Variants in RAB3IP observed in about 807,000 individuals in gnomAD.
RAB3IP encodes RAB3A interacting protein.
A neutral mutation model predicts 59.1 loss-of-function variants in RAB3IP; 36 were observed. That is an observed-to-expected ratio of 0.61 (90% CI 0.47 to 0.80). The LOEUF is 0.80. Among genes scored for constraint, RAB3IP ranks in the 30% least tolerant of loss-of-function variants. The pLI is 0.00. For missense variants in RAB3IP, 511 were observed against 536.0 expected (o/e 0.95, Z 0.46); for synonymous variants, 207 against 191.2 (o/e 1.08, Z -0.68).
chr12:69,791,153 A>T (rs935550693), intron 4 of RAB3IP, among the ~76,000 whole-genome samples: 1 of 152,160 alleles, frequency 6.6e-6, no homozygotes, highest in African/African-American at 2.4e-5. Context: ...AATGAACGAA[A>T]TTAGACCCTG....
chr12:69,797,477 CTTTTTTTTTTTTT>C lies in RAB3IP; in HGVS notation c.888+2144_888+2156del. On this transcript the variant is annotated intron_variant, in intron 6 of 10. Coordinates refer to ENST00000247833, the MANE Select transcript of RAB3IP (RefSeq NM_022456.5). ...GGTTTATGTCCTTTTTCTTTTCTTT[CTTTTTTTTTTTTT>C]TTTTTTTTTTAATAAATTTGCATCT... Among the ~76,000 whole-genome samples the C allele has an allele frequency of 9.1e-5, 5 of 54,956 alleles. 1 individual carries two copies. Among genetic ancestry groups the C allele is most frequent in the African/African-American group, 1.8e-4 (2 of 11,186 alleles). The allele number at this position is 54,956 out of a possible 152,430, so 36.1% of individuals were successfully genotyped here. A position where few individuals can be genotyped will look rare whatever the true frequency, so the allele number is the denominator to read the frequency against.
At chr12:69,775,829 G>T in intron 3 of RAB3IP, among the ~76,000 whole-genome samples, 1 of 70,612 alleles carries the variant, frequency 1.4e-5, no homozygotes, top group African/African-American at 5.4e-5. Flanking sequence ...ATTTTATTGA[G>T]GATTTTTGCA....
chr12:69,758,421 T>C (rs1870572844), intron 3 of RAB3IP, among the ~76,000 whole-genome samples: 1 of 152,206 alleles, frequency 6.6e-6, no homozygotes, highest in African/African-American at 2.4e-5. Context: ...ATTAATTCTG[T>C]ATTTTTAAAA....
At chr12:69,770,078 G>A (rs988749983) in intron 3 of RAB3IP, among the ~76,000 whole-genome samples, 5 of 152,128 alleles carry the variant, frequency 3.3e-5, no homozygotes, top group Admixed American at 1.3e-4. Context: ...GTCTTCATCA[G>A]TTTAAGAGAG....
chr12:69,751,938 A>T (rs975175346), intron 1 of RAB3IP, among the ~76,000 whole-genome samples: 3 of 151,294 alleles, frequency 2.0e-5, no homozygotes, highest in African/African-American at 4.9e-5. Flanking sequence ...TCTAGCTTTC[A>T]TATTTTTCAC....
At chr12:69,784,029 T>G (rs1875203260) in intron 3 of RAB3IP, among the ~76,000 whole-genome samples, 1 of 152,060 alleles carries the variant, frequency 6.6e-6, no homozygotes, top group African/African-American at 2.4e-5. Context: ...GCTTAGATTC[T>G]CCCCCCCTAT....
rs918555285 is a variant in RAB3IP at position 69,748,085 on chromosome 12, T to C, written c.-25-7299T>C. ...TCACAGCTTTAGTTTTTTTTTTTTT[T>C]TCTAAAATTAAAATTCTATGTTTCC... On this transcript the variant is annotated intron_variant, in intron 1 of 10. Coordinates refer to ENST00000247833, the MANE Select transcript of RAB3IP (RefSeq NM_022456.5). Among the ~76,000 whole-genome samples the C allele has an allele frequency of 1.3e-5, 2 of 151,590 alleles. 1 individual carries two copies.
At chr12:69,748,057 AAAT>A (rs1426240324) in intron 1 of RAB3IP, among the ~76,000 whole-genome samples, 3 of 146,492 alleles carry the variant, frequency 2.0e-5, no homozygotes, top group African/African-American at 7.4e-5. Flanking sequence ...AAAAAGATAA[AAAT>A]CACAGCTTTA....
chr12:69,784,281 A>G (rs1875252320), intron 3 of RAB3IP, among the ~76,000 whole-genome samples: 1 of 152,218 alleles, frequency 6.6e-6, no homozygotes, highest in Non-Finnish European at 1.5e-5. Flanking sequence ...AGTATGGTAC[A>G]TGAAGTTACC....
intron 3 of RAB3IP, among the ~76,000 whole-genome samples, chr12:69,771,176 A>G (rs1344994185): frequency 6.6e-6 from 1 of 152,188 alleles, no homozygotes; most frequent in Non-Finnish European, 1.5e-5. Flanking sequence ...ATTGTGACAA[A>G]TGACAGGATT....
At chr12:69,788,600 TTAA>T (rs2136215312) in intron 4 of RAB3IP, among the ~76,000 whole-genome samples, 1 of 152,202 alleles carries the variant, frequency 6.6e-6, no homozygotes, top group South Asian at 2.1e-4. Flanking sequence ...CAGTAATACA[TTAA>T]TAATAGGTGA....
At chr12:69,801,032 C>G (rs900847463) in intron 7 of RAB3IP, among the ~76,000 whole-genome samples, 1 of 152,148 alleles carries the variant, frequency 6.6e-6, no homozygotes, top group Non-Finnish European at 1.5e-5. Flanking sequence ...CATTGTGGCT[C>G]TGTATCTGGT....
intron 3 of RAB3IP, among the ~76,000 whole-genome samples, chr12:69,768,145 T>C (rs910232685): frequency 1.9e-4 from 29 of 150,998 alleles, no homozygotes; most frequent in Admixed American, 1.8e-3. Flanking sequence ...TGTACCGTGA[T>C]CTGCATCCAG....
chr12:69,744,464 C>T (rs34695319), intron 1 of RAB3IP, among the ~76,000 whole-genome samples: 2,718 of 152,118 alleles, frequency 0.018, 35 homozygotes, highest in African/African-American at 0.023. Flanking sequence ...GTGGCTCACA[C>T]CTGTAGTCCC....
chr12:69,796,649 A>C lies in RAB3IP; in HGVS notation c.888+1305A>C, dbSNP rs188291154. The C allele has an allele frequency of 4.0e-4, 253 of 626,080 alleles. No homozygotes were observed. In the African/African-American group the frequency reaches 4.4e-3, roughly 11 times the overall value. 38.8% of individuals were successfully genotyped at this position (626,080 alleles called of 1,614,324 possible). A position where few individuals can be genotyped will look rare whatever the true frequency, so the allele number is the denominator to read the frequency against. On this transcript the variant is annotated intron_variant, in intron 6 of 10. Coordinates refer to ENST00000247833, the MANE Select transcript of RAB3IP (RefSeq NM_022456.5). ...TATCAATAAAAATGATGCTGGTAAG[A>C]GAGAAGTTCAATACTTGGTTAAATC... is the stretch of plus-strand genomic sequence containing the variant.
In RAB3IP at chr12:69,754,709, T is replaced by C. The variant is rs1032665422; in HGVS notation, c.-25-675T>C. Among the ~76,000 whole-genome samples the C allele has an allele frequency of 2.6e-5, 4 of 152,336 alleles. No individual in the cohort carries two copies. In the East Asian group the frequency reaches 7.7e-4, roughly 29 times the overall value. ...AGCTAGTTAGCTATTTCACAATGTG[T>C]ATGTGCCTTCAAACATGTTGTACAT... On this transcript the variant is annotated intron_variant, in intron 1 of 10. Coordinates refer to ENST00000247833, the MANE Select transcript of RAB3IP (RefSeq NM_022456.5).
At chr12:69,759,719 C>T (rs1473077043) in intron 3 of RAB3IP, among the ~76,000 whole-genome samples, 7 of 147,946 alleles carry the variant, frequency 4.7e-5, no homozygotes, top group South Asian at 2.1e-4. Context: ...ACCTCCCTCC[C>T]GGACGGGGCG....
chr12:69,787,364 T>C (rs1205059743), intron 4 of RAB3IP, among the ~76,000 whole-genome samples: 2 of 152,178 alleles, frequency 1.3e-5, no homozygotes, highest in South Asian at 4.1e-4. Flanking sequence ...ATAGTAGTCT[T>C]AAGATGTTTA....
intron 3 of RAB3IP, among the ~76,000 whole-genome samples, chr12:69,769,651 G>A (rs1036538274): frequency 6.6e-6 from 1 of 152,170 alleles, no homozygotes; most frequent in African/African-American, 2.4e-5. Flanking sequence ...CAGAAAACCA[G>A]AAACAAATAT....
Sources: allele counts gnomAD v4.1 joint callset (sites outside exome capture counted in the v4.1 genomes callset), GRCh38; gene constraint gnomAD v4.1.1; transcripts MANE v1.5; gene names NCBI Gene and HGNC (gene_info 2026-07-23, HGNC 2026-07-21).